MEIKIN: variants seen among roughly 807,000 people sequenced by gnomAD.
MEIKIN encodes meiotic kinetochore factor.
intron 8 of MEIKIN, among the ~76,000 whole-genome samples, chr5:131,884,698 C>CA (rs1385897974): frequency 6.6e-6 from 1 of 152,072 alleles, no homozygotes; most frequent in Non-Finnish European, 1.5e-5. Flanking sequence ...CCAGCTCAGC[C>CA]ACAGAAGGGT....
intron 5 of MEIKIN, among the ~76,000 whole-genome samples, chr5:131,927,476 C>T (rs1358196015): frequency 6.6e-6 from 1 of 152,088 alleles, no homozygotes; most frequent in Non-Finnish European, 1.5e-5. Context: ...ATGTTAGGTC[C>T]ATGTTGTCTA....
At chr5:131,850,600 T>G (rs1750096586) in intron 11 of MEIKIN, among the ~76,000 whole-genome samples, 1 of 152,116 alleles carries the variant, frequency 6.6e-6, no homozygotes, top group South Asian at 2.1e-4. Flanking sequence ...CAACAAATGA[T>G]GCTGAGAAAA....
At chr5:131,914,297 T>C (rs931919034) in intron 7 of MEIKIN, among the ~76,000 whole-genome samples, 4 of 149,178 alleles carry the variant, frequency 2.7e-5, no homozygotes, top group African/African-American at 9.9e-5. Flanking sequence ...GGCTGGAGGA[T>C]CACTTGAACC....
At chr5:131,821,634 T>A (rs34873987) in intron 11 of MEIKIN, among the ~76,000 whole-genome samples, 1 of 143,640 alleles carries the variant, frequency 7.0e-6, no homozygotes, top group African/African-American at 2.6e-5. Context: ...GTCTGCCTTT[T>A]TTTTTTTTTT....
At chr5:131,893,024 A>G (rs920429769) in intron 8 of MEIKIN, among the ~76,000 whole-genome samples, 5 of 152,216 alleles carry the variant, frequency 3.3e-5, no homozygotes, top group Non-Finnish European at 5.9e-5. Context: ...TGGCTGCAGA[A>G]CAGCAGATAT....
chr5:131,859,910 CTG>C (rs1189608239), intron 9 of MEIKIN, among the ~76,000 whole-genome samples: 3 of 152,072 alleles, frequency 2.0e-5, no homozygotes, highest in Non-Finnish European at 2.9e-5. Flanking sequence ...CCTTTGGTCT[CTG>C]TGTCTATTTT....
rs184697451 is a variant in MEIKIN, at chr5:131,929,127, C to G, written c.478+4386G>C. 3.0e-3 allele frequency among the ~76,000 whole-genome samples: 463 copies of G among 152,300 alleles called. 2 individuals carry two copies. The highest frequency in any genetic ancestry group is 0.01 in the African/African-American group (431 of 41,566). ...AGCACTTTGAATATATCATCCCATTCTCTCTGATCTGTAAGGTTTCTGCTG... is the reference window on the plus strand; with the variant it reads ...AGCACTTTGAATATATCATCCCATTGTCTCTGATCTGTAAGGTTTCTGCTG... On this transcript the variant is annotated intron_variant, in intron 5 of 12. Coordinates refer to ENST00000442687, the MANE Select transcript of MEIKIN (RefSeq NM_001303622.2).
At chr5:131,921,321 GGGCAAC>G (rs1220024797) in intron 6 of MEIKIN, among the ~76,000 whole-genome samples, 14 of 152,234 alleles carry the variant, frequency 9.2e-5, no homozygotes, top group African/African-American at 3.4e-4. Context: ...AGACCAGCCT[GGGCAAC>G]ATAGCGAGAC....
intron 8 of MEIKIN, among the ~76,000 whole-genome samples, chr5:131,903,343 C>T (rs867024549): frequency 5.3e-5 from 8 of 152,088 alleles, no homozygotes; most frequent in Non-Finnish European, 1.0e-4. Context: ...TCAAGACACA[C>T]AGTCATCAGA....
intron 9 of MEIKIN, among the ~76,000 whole-genome samples, chr5:131,871,207 C>A (rs2149624595): frequency 6.6e-6 from 1 of 152,292 alleles, no homozygotes; most frequent in East Asian, 1.9e-4. Flanking sequence ...AAGGAATCAC[C>A]TCACCCGGGA....
chr5:131,920,024 C>T (rs945817094), intron 6 of MEIKIN, among the ~76,000 whole-genome samples: 1 of 152,080 alleles, frequency 6.6e-6, no homozygotes, highest in African/African-American at 2.4e-5. Context: ...AATGAACTTA[C>T]ATAACTTTGG....
chr5:131,865,640 T>TA (rs1309943282), intron 9 of MEIKIN, among the ~76,000 whole-genome samples: 1 of 152,080 alleles, frequency 6.6e-6, no homozygotes, highest in African/African-American at 2.4e-5. Context: ...CATCTGGTGT[T>TA]ACAGCTGCTT....
intron 9 of MEIKIN, among the ~76,000 whole-genome samples, chr5:131,873,537 C>A (rs1309776019): frequency 6.6e-6 from 1 of 152,142 alleles, no homozygotes; most frequent in Admixed American, 6.6e-5. Flanking sequence ...TAGACTCCCA[C>A]ACAATAATAA....
At chr5:131,868,520 T>G (rs985133144) in intron 9 of MEIKIN, among the ~76,000 whole-genome samples, 2 of 152,068 alleles carry the variant, frequency 1.3e-5, no homozygotes, top group Admixed American at 1.3e-4. Context: ...TTTCACTGGG[T>G]TTTTCATTTT....
chr5:131,890,233 T>G (rs575190667), intron 8 of MEIKIN, among the ~76,000 whole-genome samples: 3 of 152,198 alleles, frequency 2.0e-5, no homozygotes, highest in Non-Finnish European at 4.4e-5. Flanking sequence ...TTAGGGAGGA[T>G]TCCCTCTTTT....
intron 12 of MEIKIN, among the ~76,000 whole-genome samples, chr5:131,818,327 A>T (rs1773138688): frequency 6.6e-6 from 1 of 152,234 alleles, no homozygotes; most frequent in Admixed American, 6.5e-5. Context: ...AATATATTTT[A>T]CATTAGTGCC....
chr5:131,906,244 C>G (rs1365290963), intron 8 of MEIKIN, among the ~76,000 whole-genome samples: 1 of 152,118 alleles, frequency 6.6e-6, no homozygotes, highest in Non-Finnish European at 1.5e-5. Flanking sequence ...AAGACATACA[C>G]ACGACCGACA....
At chr5:131,856,361 C>T (rs1330156448) in intron 9 of MEIKIN, among the ~76,000 whole-genome samples, 1 of 152,090 alleles carries the variant, frequency 6.6e-6, no homozygotes, top group Non-Finnish European at 1.5e-5. Flanking sequence ...AAACAAAGAA[C>T]CAGCTGTTCC....
intron 12 of MEIKIN, among the ~76,000 whole-genome samples, chr5:131,809,843 C>G (rs1772920212): frequency 6.6e-6 from 1 of 150,462 alleles, no homozygotes; most frequent in African/African-American, 2.4e-5. Context: ...CAAACAAAAC[C>G]AAAGAACAGT....
Sources: gnomAD v4.1 joint callset for allele counts (sites outside exome capture counted in the v4.1 genomes callset) on GRCh38, gnomAD v4.1.1 for gene constraint, MANE v1.5 for transcripts, NCBI Gene and HGNC (gene_info 2026-07-23, HGNC 2026-07-21) for gene names.